CANT1: variants seen among roughly 807,000 people sequenced by gnomAD.
CANT1 encodes the protein calcium activated nucleotidase 1, also known as soluble calcium-activated nucleotidase 1.
Under a neutral mutation model 30.0 loss-of-function variants are expected in CANT1, and 26 were observed. The ratio of observed to expected loss-of-function variants is 0.87; its 90% CI spans 0.64 to 1.20. The LOEUF is 1.20. Ranked by LOEUF, CANT1 falls within the 50% of genes most tolerant of loss-of-function variation. The pLI, the probability that CANT1 is intolerant of heterozygous loss-of-function variation, is 0.00. For missense variants in CANT1, 518 were observed against 563.0 expected, an observed-to-expected ratio of 0.92 and a Z score of 0.81; for synonymous variants, 246 against 251.8, an observed-to-expected ratio of 0.98 and a Z score of 0.22.
intron 1 of CANT1, among the ~76,000 whole-genome samples, chr17:79,006,564 A>G (rs1323155223): frequency 6.6e-6 from 1 of 152,182 alleles, no homozygotes; most frequent in African/African-American, 2.4e-5. Flanking sequence ...GTCACTGTCT[A>G]TGGTGTGGGC....
chr17:78,993,954 T>C lies in CANT1; in HGVS notation c.836-34A>G, dbSNP rs1356970913. ...CGGGTGACCGCGGGTCAGACACGCA[T>C]GCGGCCTGGTGTGCCCAGCCCCACA... On this transcript the variant is annotated intron_variant, in intron 4 of 4. Transcript: ENST00000392446. The surrounding 1 kb of genome is among the most constrained non-coding windows in gnomAD (Gnocchi z 4.5). The C allele has an allele frequency of 1.3e-6, 2 of 1,540,746 alleles. No homozygotes were observed. Among genetic ancestry groups the C allele is most frequent in the Admixed American group, 3.9e-5 (2 of 51,870 alleles).
chr17:78,995,103 CA>C lies in CANT1; in HGVS notation c.749del (p.Val250GlyfsTer72). 6.2e-7 allele frequency: 1 copy of C among 1,612,698 alleles called. No individual in the cohort carries two copies. Among genetic ancestry groups the C allele is most frequent in the Non-Finnish European group, 8.5e-7 (1 of 1,179,500 alleles). ...VVNENPEWVK[V>X]VGYKGSVDHE... ...GGTCCACGCTGCCCTTGTAGCCCAC[CA>C]CCTTCACCCACTCCGGGTTCTCGTT... On this transcript the variant is annotated frameshift_variant, in exon 4 of 5. Coordinates refer to ENST00000392446, the MANE Select transcript of CANT1 (RefSeq NM_001159773.2). LOFTEE classifies it high-confidence loss of function. The surrounding 1 kb of genome is among the most constrained non-coding windows in gnomAD (Gnocchi z 5.7).
rs1429699115 is a variant in CANT1, at chr17:78,997,857, T to A, written c.-40A>T. On this transcript the variant is annotated 5_prime_UTR_variant, in exon 2 of 5. Coordinates refer to ENST00000392446, the MANE Select transcript of CANT1 (RefSeq NM_001159773.2). This position sits in a 1 kb window ranked among gnomAD's most constrained non-coding sequence, Gnocchi z 7.5. The stretch of plus-strand genomic sequence containing the variant: ...TTGCTTACTTTCATTCGGCAAGACG[T>A]GAAGTCTTTCCACAGCAAAATTACT... The A allele has an allele frequency of 2.2e-6, 1 of 459,882 alleles. No individual in the cohort carries two copies. The allele number at this position is 459,882 out of a possible 1,614,324, so 28.5% of individuals were successfully genotyped here.
chr17:79,008,357 C>T lies in CANT1; in HGVS notation c.-147+1307G>A, dbSNP rs73999380. Among the ~76,000 whole-genome samples, 7,094 of 152,220 alleles carry T rather than the reference C, an allele frequency of 0.047. 204 individuals carry two copies. The highest frequency in any genetic ancestry group is 0.086 in the African/African-American group (3,569 of 41,534). On this transcript the variant is annotated intron_variant, in intron 1 of 4. Coordinates refer to ENST00000392446, the MANE Select transcript of CANT1 (RefSeq NM_001159773.2). The surrounding 1 kb of genome is among the most constrained non-coding windows in gnomAD (Gnocchi z 4.4). Reference sequence around the variant, plus strand: ...TCCTCAGAGGGAGAGGGAGGAAGAGCTGGGAGATAGCGGATCCTGAAGGGC... The same window carrying T: ...TCCTCAGAGGGAGAGGGAGGAAGAGTTGGGAGATAGCGGATCCTGAAGGGC...
rs2071309763 is a variant in CANT1, at chr17:79,002,707, C to G, written c.-146-4744G>C. Among the ~76,000 whole-genome samples the G allele has an allele frequency of 6.6e-6, 1 of 152,226 alleles. No homozygotes were observed. The highest frequency in any genetic ancestry group is 2.1e-4 in the South Asian group (1 of 4,830). ...GACAGATCCCTGGTCAAGACCATCT[C>G]AAATCACCCTCCACAAAACTGACAG... is the stretch of plus-strand genomic sequence containing the variant. On this transcript the variant is annotated intron_variant, in intron 1 of 4. Transcript: ENST00000392446. This position sits in a 1 kb window ranked among gnomAD's most constrained non-coding sequence, Gnocchi z 4.0.
intron 4 of CANT1, among the ~76,000 whole-genome samples, 158 bp from the exon 5 acceptor site, chr17:78,994,078 G>A (rs1173163891): frequency 1.3e-5 from 2 of 152,190 alleles, no homozygotes; most frequent in African/African-American, 4.8e-5. Flanking sequence ...ATTCTGGAAG[G>A]TTCTGTGTTC....
In CANT1 at chr17:78,992,702, C is replaced by T. The variant is rs773215180; in HGVS notation, c.*848G>A. The T allele has an allele frequency of 5.0e-6, 3 of 596,786 alleles. No individual in the cohort carries two copies. The highest frequency in any genetic ancestry group is 1.8e-5 in the African/African-American group (1 of 55,662). The allele number at this position is 596,786 out of a possible 1,614,324, so 37.0% of individuals were successfully genotyped here. A position where few individuals can be genotyped will look rare whatever the true frequency, so the allele number is the denominator to read the frequency against. On this transcript the variant is annotated 3_prime_UTR_variant, in exon 5 of 5. Coordinates refer to ENST00000392446, the MANE Select transcript of CANT1 (RefSeq NM_001159773.2). ...TATCTTTGTATCCATTGGCCAAGAACGCCGACATGTGAGACTTGCTTCACC... is the reference window on the plus strand; with the variant it reads ...TATCTTTGTATCCATTGGCCAAGAATGCCGACATGTGAGACTTGCTTCACC...
At chr17:79,000,742 C>T (rs1391458621) in intron 1 of CANT1, among the ~76,000 whole-genome samples, 1 of 152,228 alleles carries the variant, frequency 6.6e-6, no homozygotes, top group Non-Finnish European at 1.5e-5. Flanking sequence ...CGGGCCTGCT[C>T]TTCGCACCAG....
At chr17:79,004,340 G>A (rs544934254) in intron 1 of CANT1, among the ~76,000 whole-genome samples, 7 of 8,920 alleles carry the variant, frequency 7.8e-4, no homozygotes, top group Admixed American at 2.5e-3. Context: ...GGTTAGGGAG[G>A]GGAGTTAGGG....
chr17:78,992,663 G>C lies in CANT1; in HGVS notation c.*887C>G, dbSNP rs770651521. ...GGATTTCTGACAGTTCCTAGAAAAAGGCAACATTTTCTTTATCTTTGTATC... is the reference window on the plus strand; with the variant it reads ...GGATTTCTGACAGTTCCTAGAAAAACGCAACATTTTCTTTATCTTTGTATC... On this transcript the variant is annotated 3_prime_UTR_variant, in exon 5 of 5. Transcript: ENST00000392446. 6.9e-6 allele frequency: 4 copies of C among 581,768 alleles called. No homozygotes were observed. Among genetic ancestry groups the C allele is most frequent in the Admixed American group, 6.0e-5 (3 of 49,822 alleles). 36.0% of individuals were successfully genotyped at this position (581,768 alleles called of 1,614,324 possible).
chr17:78,992,359 G>A lies in CANT1; in HGVS notation c.*1191C>T, dbSNP rs1162533678. The A allele has an allele frequency of 1.1e-5, 3 of 275,106 alleles. No individual in the cohort carries two copies. Among genetic ancestry groups the A allele is most frequent in the Admixed American group, 9.5e-5 (2 of 21,002 alleles). The allele number at this position is 275,106 out of a possible 1,614,324, so 17.0% of individuals were successfully genotyped here. A position where few individuals can be genotyped will look rare whatever the true frequency, so the allele number is the denominator to read the frequency against. On this transcript the variant is annotated 3_prime_UTR_variant, in exon 5 of 5. Coordinates refer to ENST00000392446, the MANE Select transcript of CANT1 (RefSeq NM_001159773.2). Reference sequence around the variant, plus strand: ...TCGGGGTGAGGTAGTGCTGTGGGGAGGGCACTGTGAATGATGGAAACGTCC... The same window carrying A: ...TCGGGGTGAGGTAGTGCTGTGGGGAAGGCACTGTGAATGATGGAAACGTCC...
At position 79,008,075 on chromosome 17, in the gene CANT1, C is replaced by T. The variant is rs1373641209; in HGVS notation, c.-147+1589G>A. ...ATCCATGCTTCACCTGAGTCCTGGC[C>T]GTGAAGATGCCTGGGGCTGCCCCGA... On this transcript the variant is annotated intron_variant, in intron 1 of 4. Transcript: ENST00000392446. This position sits in a 1 kb window ranked among gnomAD's most constrained non-coding sequence, Gnocchi z 4.4. 3 of 152,280 alleles carry T rather than the reference C, an allele frequency of 2.0e-5. No homozygotes were observed. Among genetic ancestry groups the T allele is most frequent in the East Asian group, 1.9e-4 (1 of 5,192 alleles). The allele number at this position is 152,280 out of a possible 1,614,324, so 9.4% of individuals were successfully genotyped here. A position where few individuals can be genotyped will look rare whatever the true frequency, so the allele number is the denominator to read the frequency against.
chr17:78,992,951 T>C lies in CANT1; in HGVS notation c.*599A>G. Reference sequence around the variant, plus strand: ...CATATGATGCGGAGATGGTTTTATCTGAGGCCTGAGAACCAACAGATGTGC... The same window carrying C: ...CATATGATGCGGAGATGGTTTTATCCGAGGCCTGAGAACCAACAGATGTGC... On this transcript the variant is annotated 3_prime_UTR_variant, in exon 5 of 5. Transcript: ENST00000392446. 2.8e-6 allele frequency: 1 copy of C among 356,082 alleles called. No individual in the cohort carries two copies. The highest frequency in any genetic ancestry group is 5.4e-6 in the Non-Finnish European group (1 of 186,636). 22.1% of individuals were successfully genotyped at this position (356,082 alleles called of 1,614,324 possible).
intron 1 of CANT1, among the ~76,000 whole-genome samples, chr17:79,004,297 G>A (rs1344730175): frequency 2.2e-4 from 5 of 22,436 alleles, no homozygotes; most frequent in African/African-American, 1.6e-4. Flanking sequence ...AGTTAGGGAG[G>A]GGAGTTAGGG....
intron 1 of CANT1, among the ~76,000 whole-genome samples, chr17:79,005,016 A>G (rs1386010878): frequency 1.1e-3 from 2 of 1,872 alleles, no homozygotes; most frequent in Admixed American, 6.3e-3. Flanking sequence ...TAGGGAGGGG[A>G]GTTAGGGAGA....
At chr17:78,994,652 C>T (rs990825547) in intron 4 of CANT1, among the ~76,000 whole-genome samples, 5 of 152,176 alleles carry the variant, frequency 3.3e-5, no homozygotes, top group Admixed American at 6.5e-5. Flanking sequence ...TGGTGGCTCG[C>T]GCCCGTAATG....
chr17:79,005,167 A>G (rs376967348), intron 1 of CANT1, among the ~76,000 whole-genome samples: 12 of 38,478 alleles, frequency 3.1e-4, no homozygotes, highest in East Asian at 3.2e-3. Context: ...AGAGGAGTTA[A>G]GGAGAGGGGA....
rs1215123162 is a variant in CANT1, at chr17:78,997,189, A to G, written c.434T>C (p.Val145Ala). 1.2e-6 allele frequency: 2 copies of G among 1,614,106 alleles called. No homozygotes were observed. Among genetic ancestry groups the G allele is most frequent in the Non-Finnish European group, 1.7e-6 (2 of 1,180,032 alleles). The change falls in exon 3 of 5, where the codon GTG (valine) becomes GCG (alanine). Residue 145 changes from valine (V) to alanine (A), a missense_variant. Physicochemically the swap from Val to Ala is moderately conservative, Grantham distance 64. Transcript: ENST00000392446. The surrounding 1 kb of genome is among the most constrained non-coding windows in gnomAD (Gnocchi z 7.5). Reference protein sequence around the residue: ...TLSDSGDKVAVEWDKDHGVLE... With the variant: ...TLSDSGDKVAAEWDKDHGVLE... ...GACCCCATGGTCTTTGTCCCATTCC[A>G]CGGCCACCTTGTCCCCACTGTCTGA...
chr17:79,003,968 T>TA (rs1418555569), intron 1 of CANT1, among the ~76,000 whole-genome samples: 4 of 3,678 alleles, frequency 1.1e-3, no homozygotes, highest in African/African-American at 1.7e-3. Context: ...AGTAGGGAGT[T>TA]GGGGGGGAGT....
Sources: allele counts gnomAD v4.1 joint callset (sites outside exome capture counted in the v4.1 genomes callset), GRCh38; gene constraint gnomAD v4.1.1; non-coding constraint Gnocchi (gnomAD v3.1); transcripts MANE v1.5; gene names NCBI Gene and HGNC (gene_info 2026-07-23, HGNC 2026-07-21).